The following CDH22 variants were observed in gnomAD, a reference collection of about 807,000 sequenced individuals.
CDH22 encodes cadherin 22, also known as cadherin-22.
In CDH22, 30 loss-of-function variants were observed where a neutral mutation model predicts 58.4. That is an observed-to-expected ratio of 0.51 (90% CI 0.38 to 0.70). The LOEUF (loss-of-function observed/expected upper bound fraction) is 0.70, where lower values mean the gene tolerates loss of function less well. Among genes scored for constraint, CDH22 ranks in the 30% least tolerant of loss-of-function variants. CDH22 has a pLI of 0.00. For synonymous variants in CDH22, 513 were observed against 558.2 expected, an observed-to-expected ratio of 0.92 and a Z score of 1.14; for missense variants, 1,014 against 1,233.9, an observed-to-expected ratio of 0.82 and a Z score of 2.67.
intron 1 of CDH22, among the ~76,000 whole-genome samples, chr20:46,292,016 C>T (rs559834786): frequency 1.3e-5 from 2 of 152,340 alleles, no homozygotes; most frequent in South Asian, 4.1e-4. Flanking sequence ...ATCAACTGCT[C>T]TCCCACCCCA....
chr20:46,205,813 C>G (rs912404980), intron 7 of CDH22, among the ~76,000 whole-genome samples: 12 of 152,168 alleles, frequency 7.9e-5, no homozygotes, highest in African/African-American at 2.9e-4. Flanking sequence ...TGTCCCTTGT[C>G]GTGAGCTTGT....
chr20:46,223,988 G>A (rs2086152612), intron 4 of CDH22, among the ~76,000 whole-genome samples: 1 of 151,936 alleles, frequency 6.6e-6, no homozygotes, highest in Non-Finnish European at 1.5e-5. Flanking sequence ...CGAGTAGCTG[G>A]GATTACAGGC....
At chr20:46,302,686 A>G (rs2086657478) in intron 1 of CDH22, among the ~76,000 whole-genome samples, 1 of 152,096 alleles carries the variant, frequency 6.6e-6, no homozygotes, top group African/African-American at 2.4e-5. Context: ...TCCAGCCCAG[A>G]ACTCTCTGAG....
chr20:46,231,135 C>T (rs1339373484), intron 3 of CDH22, among the ~76,000 whole-genome samples: 5 of 152,306 alleles, frequency 3.3e-5, no homozygotes, highest in Non-Finnish European at 7.3e-5. Context: ...CAGGAGCGGG[C>T]TGCTGTCCGT....
intron 11 of CDH22, among the ~76,000 whole-genome samples, chr20:46,177,494 G>C (rs975756349): frequency 1.3e-5 from 2 of 152,070 alleles, no homozygotes; most frequent in African/African-American, 4.8e-5. Context: ...AGGGTGAGAA[G>C]ACCTAATATC....
intron 2 of CDH22, among the ~76,000 whole-genome samples, chr20:46,250,612 G>A (rs1373638567): frequency 6.6e-6 from 1 of 152,362 alleles, no homozygotes; most frequent in East Asian, 1.9e-4. Flanking sequence ...GAAACTCAGA[G>A]ACTGTGGCAG....
chr20:46,212,725 T>A (rs1012922014), intron 6 of CDH22, among the ~76,000 whole-genome samples: 1 of 152,202 alleles, frequency 6.6e-6, no homozygotes, highest in Non-Finnish European at 1.5e-5. Context: ...GAAGCACACG[T>A]CAGAGTGTTT....
intron 3 of CDH22, among the ~76,000 whole-genome samples, chr20:46,240,613 T>C (rs1000846006): frequency 7.9e-5 from 12 of 152,148 alleles, no homozygotes; most frequent in African/African-American, 2.9e-4. Flanking sequence ...TGGTGAGTTG[T>C]ATGCGGGGCT....
At chr20:46,229,684 T>C (rs937199073) in intron 3 of CDH22, among the ~76,000 whole-genome samples, 1 of 152,156 alleles carries the variant, frequency 6.6e-6, no homozygotes, top group African/African-American at 2.4e-5. Flanking sequence ...TGTTGTCAAC[T>C]CAAGAGGCAC....
chr20:46,190,118 C>T (rs976088235), intron 8 of CDH22, among the ~76,000 whole-genome samples: 1 of 152,176 alleles, frequency 6.6e-6, no homozygotes, highest in Non-Finnish European at 1.5e-5. Flanking sequence ...CGTATTTTGC[C>T]ACCTTAAATG....
intron 3 of CDH22, among the ~76,000 whole-genome samples, chr20:46,229,289 G>GCCC (rs34878778): frequency 1.5e-4 from 21 of 138,516 alleles, no homozygotes; most frequent in East Asian, 6.4e-4. Flanking sequence ...ATGCAGAGTG[G>GCCC]CCCCCCCCCC....
At chr20:46,218,836 G>A (rs903258946) in intron 4 of CDH22, among the ~76,000 whole-genome samples, 4 of 152,094 alleles carry the variant, frequency 2.6e-5, no homozygotes, top group African/African-American at 9.7e-5. Context: ...AGGGTAGGGC[G>A]GGGGAGTCGA....
At chr20:46,182,448 G>A (rs1474000833) in intron 10 of CDH22, among the ~76,000 whole-genome samples, 2 of 152,228 alleles carry the variant, frequency 1.3e-5, no homozygotes, top group Admixed American at 1.3e-4. Context: ...TTTGAGAAAT[G>A]AGCGGCTGGC....
At chr20:46,189,154 T>A (rs188302866) in intron 8 of CDH22, among the ~76,000 whole-genome samples, 6 of 152,220 alleles carry the variant, frequency 3.9e-5, no homozygotes, top group African/African-American at 1.4e-4. Flanking sequence ...GAGTTCTTAA[T>A]TAATTCAGAC....
chr20:46,258,295 ACCC>A (rs913845139), intron 1 of CDH22, among the ~76,000 whole-genome samples: 1 of 151,430 alleles, frequency 6.6e-6, no homozygotes, highest in South Asian at 2.1e-4. Context: ...TGTTGCCCCC[ACCC>A]CCCAACCGCA....
chr20:46,278,123 A>G (rs751274931), intron 1 of CDH22, among the ~76,000 whole-genome samples: 3 of 152,044 alleles, frequency 2.0e-5, no homozygotes, highest in Non-Finnish European at 4.4e-5. Flanking sequence ...TGGGGGCCCC[A>G]GGGAGCTGGG....
At chr20:46,284,659 AT>A (rs2086567848) in intron 1 of CDH22, among the ~76,000 whole-genome samples, 1 of 152,166 alleles carries the variant, frequency 6.6e-6, no homozygotes, top group Admixed American at 6.5e-5. Context: ...GTGGCTCAGT[AT>A]TTTTAATATT....
chr20:46,299,950 C>A (rs1183243569), intron 1 of CDH22, among the ~76,000 whole-genome samples: 1 of 152,102 alleles, frequency 6.6e-6, no homozygotes, highest in African/African-American at 2.4e-5. Context: ...CTCCCAGCCC[C>A]CTCCCACTCT....
chr20:46,241,138 C>T lies in CDH22; in HGVS notation c.375G>A (p.Leu125=). 1 of 1,614,072 alleles carries T rather than the reference C, an allele frequency of 6.2e-7. No homozygotes were observed. The highest frequency in any genetic ancestry group is 1.1e-5 in the South Asian group (1 of 91,080). Residue 125 remains leucine, a synonymous_variant, in exon 3 of 12, where the codon CTG becomes CTA. Transcript: ENST00000537909. The surrounding 1 kb of genome is among the most constrained non-coding windows in gnomAD (Gnocchi z 5.2). ...TGTAGAAGGTTTTCTGCTCGCGGTCCAGGCGCTCCATGGCATGAATGTCGC... is the reference window on the plus strand; with the variant it reads ...TGTAGAAGGTTTTCTGCTCGCGGTCTAGGCGCTCCATGGCATGAATGTCGC... ...LTGDIHAMER[L]DREQKTFYTL...
Sources: allele counts gnomAD v4.1 joint callset (sites outside exome capture counted in the v4.1 genomes callset), GRCh38; gene constraint gnomAD v4.1.1; non-coding constraint Gnocchi (gnomAD v3.1); transcripts MANE v1.5; gene names NCBI Gene and HGNC (gene_info 2026-07-23, HGNC 2026-07-21).